The following ACYP2 variants were observed in gnomAD, a reference collection of about 807,000 sequenced individuals.
ACYP2 encodes acylphosphatase 2.
Under a neutral mutation model 11.2 loss-of-function variants are expected in ACYP2, and 12 were observed. The ratio of observed to expected loss-of-function variants is 1.08; its 90% CI spans 0.69 to 1.74. The LOEUF (loss-of-function observed/expected upper bound fraction) is 1.74. Among genes scored for constraint, ACYP2 ranks in the 40% most tolerant of loss-of-function variants. The pLI is 0.00. For synonymous variants in ACYP2, 43 were observed against 32.2 expected, an observed-to-expected ratio of 1.33 and a Z score of -1.13; for missense variants, 134 against 101.9, an observed-to-expected ratio of 1.31 and a Z score of -1.35.
At position 54,256,240 on chromosome 2, in the gene ACYP2, C is replaced by T. The variant is rs1019026641; in HGVS notation, c.405-48448C>T. ...CTCACACAAAATGGCGAGTAAACAC[C>T]TCGCCCATTTGCGCCGCCCACTCTT... On this transcript the variant is annotated intron_variant, in intron 6 of 6. Transcript: ENST00000607452. 21 of 1,467,196 alleles carry T rather than the reference C, an allele frequency of 1.4e-5. No homozygotes were observed. In the East Asian group the frequency reaches 2.5e-4, roughly 18 times the overall value. The allele number at this position is 1,467,196 out of a possible 1,614,324, so 90.9% of individuals were successfully genotyped here.
intron 2 of ACYP2, among the ~76,000 whole-genome samples, chr2:54,005,925 C>T (rs989480656): frequency 7.9e-5 from 12 of 152,152 alleles, no homozygotes; most frequent in Non-Finnish European, 1.2e-4. Context: ...AAAGAACTGA[C>T]ATCCTGATAA....
chr2:54,115,592 CGCGGGGT>C lies in ACYP2; in HGVS notation c.278-19857_278-19851del. ...GCTAGCGTCCGGGACCGGTGACAGGCGCGGGGTGCGCCAAGCAGTCCCATGTGTCCCC... is the reference window on the plus strand; with the variant it reads ...GCTAGCGTCCGGGACCGGTGACAGGCGCGCCAAGCAGTCCCATGTGTCCCC... On this transcript the variant is annotated intron_variant, in intron 4 of 6. Coordinates refer to ENST00000607452, the MANE Select transcript of ACYP2 (RefSeq NM_001320586.2). The C allele has an allele frequency of 1.9e-6, 3 of 1,544,738 alleles. No homozygotes were observed. Among genetic ancestry groups the C allele is most frequent in the Non-Finnish European group, 2.6e-6 (3 of 1,144,464 alleles).
chr2:54,175,523 C>G (rs1479017266), intron 6 of ACYP2, among the ~76,000 whole-genome samples: 1 of 151,962 alleles, frequency 6.6e-6, no homozygotes, highest in African/African-American at 2.4e-5. Flanking sequence ...TTTTGTATCT[C>G]TATCTCCTTC....
chr2:54,000,100 T>C (rs1445688982), intron 2 of ACYP2, among the ~76,000 whole-genome samples: 1 of 151,762 alleles, frequency 6.6e-6, no homozygotes, highest in Non-Finnish European at 1.5e-5. Flanking sequence ...TAGAAATTTC[T>C]ATATACTTAT....
intron 2 of ACYP2, among the ~76,000 whole-genome samples, chr2:53,980,750 TA>T (rs1221624773): frequency 6.6e-6 from 1 of 151,010 alleles, no homozygotes; most frequent in Non-Finnish European, 1.5e-5. Flanking sequence ...TGTATAGGTG[TA>T]CTTTTTTTTT....
intron 6 of ACYP2, among the ~76,000 whole-genome samples, chr2:54,216,625 C>T (rs1370137343): frequency 6.6e-6 from 1 of 151,790 alleles, no homozygotes. Context: ...GCAACTTCAG[C>T]CTCCTGAGTT....
At chr2:54,072,928 A>G (rs1677142656) in intron 4 of ACYP2, among the ~76,000 whole-genome samples, 2 of 152,140 alleles carry the variant, frequency 1.3e-5, no homozygotes, top group Non-Finnish European at 2.9e-5. Flanking sequence ...AATGCAAGGT[A>G]CTCAAACAAT....
chr2:54,118,762 T>C (rs544403250), intron 4 of ACYP2, among the ~76,000 whole-genome samples: 1 of 152,324 alleles, frequency 6.6e-6, no homozygotes, highest in South Asian at 2.1e-4. Flanking sequence ...ATTCCTATAG[T>C]TTGCAGTATG....
At chr2:54,266,462 A>ACACCCTATAAACC (rs997648904) in intron 6 of ACYP2, among the ~76,000 whole-genome samples, 1 of 152,032 alleles carries the variant, frequency 6.6e-6, no homozygotes, top group African/African-American at 2.4e-5. Flanking sequence ...CCTTATCACA[A>ACACCCTATAAACC]CACCCTATAA....
At chr2:53,983,428 C>T (rs1017355238) in intron 2 of ACYP2, among the ~76,000 whole-genome samples, 3 of 152,082 alleles carry the variant, frequency 2.0e-5, no homozygotes, top group Non-Finnish European at 2.9e-5. Context: ...ATCACTTGAA[C>T]CCAGGAGATT....
At chr2:54,248,462 T>C (rs916718797) in intron 6 of ACYP2, among the ~76,000 whole-genome samples, 1 of 152,098 alleles carries the variant, frequency 6.6e-6, no homozygotes, top group Admixed American at 6.6e-5. Flanking sequence ...TAGGGATACA[T>C]AGATGAAAAG....
intron 6 of ACYP2, among the ~76,000 whole-genome samples, chr2:54,185,867 G>A (rs1006581256): frequency 6.6e-6 from 1 of 152,008 alleles, no homozygotes; most frequent in Non-Finnish European, 1.5e-5. Flanking sequence ...GAAGGTGTAG[G>A]ATCGTCTTGA....
chr2:54,277,434 C>G (rs1688645978), intron 6 of ACYP2, among the ~76,000 whole-genome samples: 1 of 152,164 alleles, frequency 6.6e-6, no homozygotes, highest in Non-Finnish European at 1.5e-5. Flanking sequence ...AATCCCAGCA[C>G]TTTGGGAGGT....
intron 6 of ACYP2, among the ~76,000 whole-genome samples, chr2:54,223,457 A>G (rs941835340): frequency 6.6e-6 from 1 of 152,192 alleles, no homozygotes; most frequent in African/African-American, 2.4e-5. Context: ...TTCCCAGACC[A>G]CTTTTCCTAT....
chr2:54,250,008 G>A (rs1396334866), intron 6 of ACYP2, among the ~76,000 whole-genome samples: 1 of 148,132 alleles, frequency 6.8e-6, no homozygotes, highest in African/African-American at 2.5e-5. Flanking sequence ...GTTTGCTTAA[G>A]TTAACATCTG....
intron 6 of ACYP2, among the ~76,000 whole-genome samples, chr2:54,190,512 C>G (rs1254998621): frequency 6.6e-6 from 1 of 152,034 alleles, no homozygotes; most frequent in Non-Finnish European, 1.5e-5. Context: ...GTCTTCGTAT[C>G]TCACTTTTAC....
At chr2:53,971,797 A>G (rs1457599419) in intron 1 of ACYP2, among the ~76,000 whole-genome samples, 1 of 151,888 alleles carries the variant, frequency 6.6e-6, no homozygotes, top group Non-Finnish European at 1.5e-5. Context: ...AAAGTTGGTT[A>G]GAAAAAGGAG....
chr2:54,047,178 G>A (rs978146866), intron 2 of ACYP2, among the ~76,000 whole-genome samples: 4 of 152,238 alleles, frequency 2.6e-5, no homozygotes, highest in South Asian at 2.1e-4. Flanking sequence ...TATAATTGAC[G>A]TCACCATCTT....
chr2:54,130,615 T>C (rs55672362), intron 4 of ACYP2, among the ~76,000 whole-genome samples: 14,308 of 152,250 alleles, frequency 0.094, 820 homozygotes, highest in Non-Finnish European at 0.13. Context: ...TGAAAGATTA[T>C]GGTAACTTTA....
Sources: allele counts gnomAD v4.1 joint callset (sites outside exome capture counted in the v4.1 genomes callset), GRCh38; gene constraint gnomAD v4.1.1; transcripts MANE v1.5; gene names NCBI Gene and HGNC (gene_info 2026-07-23, HGNC 2026-07-21).